SPEG: variants seen among roughly 807,000 people sequenced by gnomAD.
SPEG encodes striated muscle enriched protein kinase.
SPEG carries 114 observed loss-of-function variants against 300.4 expected under a neutral mutation model. That is an observed-to-expected ratio of 0.38 (90% CI 0.33 to 0.44). SPEG has a LOEUF of 0.44. Ranked by LOEUF, SPEG falls within the 20% of genes least tolerant of loss-of-function variation. The pLI is 1.00. For missense variants in SPEG, 4,201 were observed against 4,586.2 expected (o/e 0.92, Z 2.43); for synonymous variants, 1,964 against 2,018.9 (o/e 0.97, Z 0.73).
Position 219,481,777 on chromosome 2 carries a change from AC to A in SPEG, c.5565+98del. ...TGAGTACCTACTGTGTGCAGTAACC[AC>A]GTTAGGCATTGTATGTACATATGAC... On this transcript the variant is annotated intron_variant, in intron 28 of 40. Transcript: ENST00000312358. The surrounding 1 kb of genome is among the most constrained non-coding windows in gnomAD (Gnocchi z 5.4). 1 of 1,070,272 alleles carries A rather than the reference AC, an allele frequency of 9.3e-7. No homozygotes were observed. The highest frequency in any genetic ancestry group is 1.8e-5 in the Admixed American group (1 of 55,968). 66.3% of individuals were successfully genotyped at this position (1,070,272 alleles called of 1,614,324 possible). A position where few individuals can be genotyped will look rare whatever the true frequency, so the allele number is the denominator to read the frequency against.
At position 219,483,761 on chromosome 2, in the gene SPEG, C is replaced by G; in HGVS notation, c.6298C>G (p.Arg2100Gly). 6.5e-7 allele frequency: 1 copy of G among 1,546,726 alleles called. No individual in the cohort carries two copies. Among genetic ancestry groups the G allele is most frequent in the Non-Finnish European group, 8.7e-7 (1 of 1,153,316 alleles). ...PLLESLGGRA[R>G]DPRMARAASS... ...GCTGGAGAGCCTGGGGGGCCGTGCTCGGGACCCCCGGATGGCACGAGCTGC... is the reference window on the plus strand; with the variant it reads ...GCTGGAGAGCCTGGGGGGCCGTGCTGGGGACCCCCGGATGGCACGAGCTGC... The change falls in exon 30 of 41, where the codon CGG (arginine) becomes GGG (glycine). Residue 2100 changes from arginine (R) to glycine (G), a missense_variant. Around this residue, in one of 4 missense-constraint regions of SPEG, gnomAD observed 1,578 missense variants for 1,506.0 expected, o/e 1.05. Transcript: ENST00000312358.
At chr2:219,456,914 AAAAAAAAAAAG>A (rs1690230689) in intron 6 of SPEG, among the ~76,000 whole-genome samples, 1 of 50,998 alleles carries the variant, frequency 2.0e-5, no homozygotes, top group African/African-American at 3.7e-5. Context: ...GTCTCAAAAA[AAAAAAAAAAAG>A]AAAAGAAAAA....
chr2:219,486,702 A>G (rs1575183986), intron 31 of SPEG, among the ~76,000 whole-genome samples: 1 of 152,074 alleles, frequency 6.6e-6, no homozygotes, highest in East Asian at 1.9e-4. Flanking sequence ...AGGCTGTCCC[A>G]GGCTACTTTA....
At chr2:219,469,428 G>T in intron 13 of SPEG, 49 bp downstream of exon 13, 1 of 1,436,266 alleles carries the variant, frequency 7.0e-7, no homozygotes, top group Non-Finnish European at 9.6e-7. Context: ...GCACCCACTT[G>T]GCTTGCAATG....
In SPEG at chr2:219,473,517, G is replaced by A. The variant is rs775522741; in HGVS notation, c.4161G>A (p.Glu1387=). Reference sequence around the variant, plus strand: ...TCCTCCTCCCAGGCCCAACCCTGGAGGAGGCCCCTGCCATGCTGGACAAAC... The same window carrying A: ...TCCTCCTCCCAGGCCCAACCCTGGAAGAGGCCCCTGCCATGCTGGACAAAC... ...VQLLEHGPTL[E]EAPAMLDKPD... The change falls in exon 17 of 41, where the codon GAG becomes GAA. Residue 1387 remains glutamate (E), a synonymous_variant. Transcript: ENST00000312358. This position sits in a 1 kb window ranked among gnomAD's most constrained non-coding sequence, Gnocchi z 4.6. 4 of 1,614,024 alleles carry A rather than the reference G, an allele frequency of 2.5e-6. No individual in the cohort carries two copies. The highest frequency in any genetic ancestry group is 1.7e-5 in the Admixed American group (1 of 60,032).
chr2:219,441,079 G>C (rs905298153), intron 1 of SPEG, among the ~76,000 whole-genome samples: 1 of 152,186 alleles, frequency 6.6e-6, no homozygotes, highest in African/African-American at 2.4e-5. Context: ...TTGTAAATGA[G>C]GTAACATTTG....
chr2:219,435,375 A>AG lies in SPEG; in HGVS notation c.388+12dup. On this transcript the variant is annotated intron_variant, in intron 1 of 40. Transcript: ENST00000312358. ...GTGCTGGAGGTCGGAGGTAAAGGGC[A>AG]GGTGGGGGCCGCGCCCGGCAGGGGC... 1 of 1,529,066 alleles carries AG rather than the reference A, an allele frequency of 6.5e-7. No homozygotes were observed. The highest frequency in any genetic ancestry group is 2.5e-5 in the East Asian group (1 of 40,116). The allele number at this position is 1,529,066 out of a possible 1,614,324, so 94.7% of individuals were successfully genotyped here.
intron 4 of SPEG, among the ~76,000 whole-genome samples, chr2:219,450,143 C>G (rs1410770685): frequency 6.6e-6 from 1 of 152,206 alleles, no homozygotes; most frequent in Non-Finnish European, 1.5e-5. Flanking sequence ...TTAAGTATTA[C>G]CACCTTAGAA....
At chr2:219,436,110 T>G (rs1954711714) in intron 1 of SPEG, among the ~76,000 whole-genome samples, 1 of 152,220 alleles carries the variant, frequency 6.6e-6, no homozygotes, top group Non-Finnish European at 1.5e-5. Context: ...CATGTCTACC[T>G]GAGCTTCCAG....
Position 219,473,983 on chromosome 2 carries a change from C to A in SPEG, c.4447+80C>A, listed in dbSNP as rs923122973. On this transcript the variant is annotated intron_variant, in intron 18 of 40. Coordinates refer to ENST00000312358, the MANE Select transcript of SPEG (RefSeq NM_005876.5). The surrounding 1 kb of genome is among the most constrained non-coding windows in gnomAD (Gnocchi z 4.6). Reference sequence around the variant, plus strand: ...CTCACACCCCCAGGTACACAACCTGCCTGACACTGCTGCAGATCCAAACCC... The same window carrying A: ...CTCACACCCCCAGGTACACAACCTGACTGACACTGCTGCAGATCCAAACCC... 1 of 1,449,524 alleles carries A rather than the reference C, an allele frequency of 6.9e-7. No individual in the cohort carries two copies. Among genetic ancestry groups the A allele is most frequent in the Admixed American group, 2.0e-5 (1 of 50,284 alleles). 89.8% of individuals were successfully genotyped at this position (1,449,524 alleles called of 1,614,324 possible).
At position 219,484,229 on chromosome 2, in the gene SPEG, G is replaced by C; in HGVS notation, c.6766G>C (p.Gly2256Arg). Residue 2256 changes from glycine (G) to arginine (R), a missense_variant, in exon 30 of 41, where the codon GGC (glycine) becomes CGC (arginine). By Grantham distance (125) the Gly-to-Arg change is moderately radical (BLOSUM62 -2). Coordinates refer to ENST00000312358, the MANE Select transcript of SPEG (RefSeq NM_005876.5). ...AQIIQSLQLSGHAQGPSQGPA... is the reference protein window; with the variant it reads ...AQIIQSLQLSRHAQGPSQGPA... ...GATCATTCAGTCCCTCCAGCTGTCA[G>C]GCCACGCCCAGGGCCCCTCGCAGGG... is the stretch of plus-strand genomic sequence containing the variant. 6.2e-7 allele frequency: 1 copy of C among 1,611,964 alleles called. No homozygotes were observed. The highest frequency in any genetic ancestry group is 1.1e-5 in the South Asian group (1 of 91,060).
At chr2:219,482,458 C>CCTA (rs1290485594) in intron 28 of SPEG, 2 of 306,360 alleles carry the variant, frequency 6.5e-6, no homozygotes, top group Non-Finnish European at 6.1e-6. Flanking sequence ...GGGTAAAGGG[C>CCTA]CTAAGATCAC....
Position 219,481,927 on chromosome 2 carries a change from G to A in SPEG, c.5565+247G>A. On this transcript the variant is annotated intron_variant, in intron 28 of 40. Coordinates refer to ENST00000312358, the MANE Select transcript of SPEG (RefSeq NM_005876.5). The surrounding 1 kb of genome is among the most constrained non-coding windows in gnomAD (Gnocchi z 5.4). ...ATACTGGACTCCAGGGCATACGTCT[G>A]GACCTCTCCATCCTGGGCGTCCTCA... 1 of 593,894 alleles carries A rather than the reference G, an allele frequency of 1.7e-6. No individual in the cohort carries two copies. Among genetic ancestry groups the A allele is most frequent in the African/African-American group, 1.9e-5 (1 of 53,958 alleles). 36.8% of individuals were successfully genotyped at this position (593,894 alleles called of 1,614,324 possible). A position where few individuals can be genotyped will look rare whatever the true frequency, so the allele number is the denominator to read the frequency against.
Position 219,477,512 on chromosome 2 carries a change from C to A in SPEG, c.4729+67C>A. On this transcript the variant is annotated intron_variant, in intron 20 of 40. Transcript: ENST00000312358. This position sits in a 1 kb window ranked among gnomAD's most constrained non-coding sequence, Gnocchi z 6.4. ...GGAATCTGATGTGACCCTCCATGCT[C>A]TGCCCAGGAAGCAGCCAGCCCTGGA... The A allele has an allele frequency of 6.7e-7, 1 of 1,488,378 alleles. No individual in the cohort carries two copies. Among genetic ancestry groups the A allele is most frequent in the Non-Finnish European group, 9.0e-7 (1 of 1,109,794 alleles). The allele number at this position is 1,488,378 out of a possible 1,614,324, so 92.2% of individuals were successfully genotyped here.
intron 30 of SPEG, 116 bp downstream of exon 30, chr2:219,485,188 A>G: frequency 6.8e-7 from 1 of 1,474,010 alleles, no homozygotes; most frequent in Non-Finnish European, 9.2e-7. Flanking sequence ...TGAGGCCCCG[A>G]GGGTGGAATC....
Position 219,492,981 on chromosome 2 carries a change from A to G in SPEG, c.*195A>G. The G allele has an allele frequency of 1.4e-6, 1 of 723,638 alleles. No homozygotes were observed. The highest frequency in any genetic ancestry group is 2.5e-6 in the Non-Finnish European group (1 of 405,116). The allele number at this position is 723,638 out of a possible 1,614,324, so 44.8% of individuals were successfully genotyped here. On this transcript the variant is annotated 3_prime_UTR_variant, in exon 41 of 41. Transcript: ENST00000312358. ...CCTGGACCTGATGCCACCCCAGGCC[A>G]AAGCCAGAGTGGGAGACCCATTGGT...
Position 219,480,708 on chromosome 2 carries a change from C to T in SPEG, c.5369+11C>T, listed in dbSNP as rs1338369109. ...TGTTGCCTTCCTCTGGTAAGGACCC[C>T]TCTGCAATGTCCCAGCAGTCTCCTG... On this transcript the variant is annotated intron_variant, in intron 26 of 40. Coordinates refer to ENST00000312358, the MANE Select transcript of SPEG (RefSeq NM_005876.5). The surrounding 1 kb of genome is among the most constrained non-coding windows in gnomAD (Gnocchi z 5.3). The T allele has an allele frequency of 1.3e-5, 21 of 1,613,544 alleles. No individual in the cohort carries two copies. Among genetic ancestry groups the T allele is most frequent in the East Asian group, 2.2e-5 (1 of 44,880 alleles).
chr2:219,469,437 T>G, intron 13 of SPEG, 58 bp downstream of exon 13: 1 of 1,363,782 alleles, frequency 7.3e-7, no homozygotes, highest in Middle Eastern at 1.8e-4. Flanking sequence ...TGGCTTGCAA[T>G]GCCCTGCCCC....
chr2:219,461,356 C>T, intron 6 of SPEG: 1 of 988,000 alleles, frequency 1.0e-6, no homozygotes, highest in Non-Finnish European at 1.2e-6. Flanking sequence ...GAGGGGCAGG[C>T]TAGATAGTGC....
Sources: allele counts gnomAD v4.1 joint callset (sites outside exome capture counted in the v4.1 genomes callset), GRCh38; gene constraint gnomAD v4.1.1; regional missense constraint gnomAD v4.1.1; non-coding constraint Gnocchi (gnomAD v3.1); transcripts MANE v1.5; gene names NCBI Gene and HGNC (gene_info 2026-07-23, HGNC 2026-07-21).